Variants in C5 observed in about 807,000 individuals in gnomAD.
C5 encodes the protein C3 and PZP-like alpha-2-macroglobulin domain-containing protein 4.
Under a neutral mutation model 218.8 loss-of-function variants are expected in C5, and 140 were observed. The ratio of observed to expected loss-of-function variants is 0.64; its 90% CI spans 0.56 to 0.74. The LOEUF (loss-of-function observed/expected upper bound fraction) is 0.74. Ranked by LOEUF, C5 falls within the 30% of genes least tolerant of loss-of-function variation. The pLI is 0.00. For synonymous variants in C5, 614 were observed against 682.3 expected, an observed-to-expected ratio of 0.90 and a Z score of 1.56; for missense variants, 1,700 against 1,969.6, an observed-to-expected ratio of 0.86 and a Z score of 2.59.
Position 121,021,677 on chromosome 9 carries a change from C to T in C5, c.1134G>A (p.Ser378=), listed in dbSNP as rs148479499. 2.3e-5 allele frequency: 37 copies of T among 1,613,672 alleles called. No homozygotes were observed. The highest frequency in any genetic ancestry group is 2.0e-4 in the Admixed American group (12 of 60,026). Residue 378 remains serine (S), a synonymous_variant, in exon 11 of 41, where the codon TCG becomes TCA. Coordinates refer to ENST00000223642, the MANE Select transcript of C5 (RefSeq NM_001735.3). ...GGACTCCTCCTACCAACTGGTCAAGCGAATCTTTAACCTGCACCTGTTTGT... is the reference window on the plus strand; with the variant it reads ...GGACTCCTCCTACCAACTGGTCAAGTGAATCTTTAACCTGCACCTGTTTGT... ...PYPIKVQVKD[S]LDQLVGGVPV... is the part of the protein sequence containing the mutation.
intron 32 of C5, among the ~76,000 whole-genome samples, chr9:120,969,594 G>T (rs1221338518): frequency 6.6e-6 from 1 of 152,184 alleles, no homozygotes; most frequent in African/African-American, 2.4e-5. Flanking sequence ...ACCAGGAAGG[G>T]AGAACCAACC....
intron 14 of C5, 118 bp downstream of exon 14, chr9:121,017,244 T>G: frequency 4.2e-6 from 5 of 1,186,678 alleles, no homozygotes; most frequent in Non-Finnish European, 6.1e-6. Flanking sequence ...TTCCTAAAAA[T>G]GAGTATGTTG....
At chr9:120,980,753 G>C (rs1031458017) in intron 27 of C5, among the ~76,000 whole-genome samples, 1 of 151,848 alleles carries the variant, frequency 6.6e-6, no homozygotes, top group South Asian at 2.1e-4. Flanking sequence ...CACCACGCCC[G>C]GCTAATTTTT....
In C5 at chr9:121,030,457, G is replaced by A. The variant is rs531284110; in HGVS notation, c.698C>T (p.Pro233Leu). Residue 233 changes from proline (P) to leucine (L), a missense_variant, in exon 7 of 41, where the codon CCA becomes CTA. Transcript: ENST00000223642. ...VLPHFSVSIE[P>L]EYNFIGYKNF... The stretch of plus-strand genomic sequence containing the variant: ...CTTGTAACCAATGAAATTATATTCT[G>A]GCTCGATTGAGACAGAAAAATGTGG... 2.0e-5 allele frequency: 31 copies of A among 1,548,142 alleles called. No individual in the cohort carries two copies. Among genetic ancestry groups the A allele is most frequent in the African/African-American group, 2.7e-5 (2 of 73,012 alleles).
chr9:121,018,023 T>C (rs563347537), intron 12 of C5, among the ~76,000 whole-genome samples, 171 bp from the exon 13 acceptor site: 34 of 144,414 alleles, frequency 2.4e-4, no homozygotes, highest in Non-Finnish European at 4.3e-4. Context: ...GAGGCCGAGG[T>C]GGGCCGATCA....
At chr9:120,973,210 C>G (rs1334417090) in intron 30 of C5, among the ~76,000 whole-genome samples, 1 of 152,122 alleles carries the variant, frequency 6.6e-6, no homozygotes, top group Non-Finnish European at 1.5e-5. Flanking sequence ...AAGCAGCATC[C>G]TGGGCTGGGG....
intron 3 of C5, 87 bp from the exon 4 acceptor site, chr9:121,038,038 A>C: frequency 1.5e-6 from 1 of 645,916 alleles, no homozygotes; most frequent in Non-Finnish European, 2.7e-6. Context: ...AAAGAGATGA[A>C]TCTTACTTTA....
chr9:121,059,305 A>C, the C5 span, among the ~76,000 whole-genome samples: 1 of 152,224 alleles, frequency 6.6e-6, no homozygotes, highest in Admixed American at 6.5e-5. This position sits in a 1 kb window ranked among gnomAD's most constrained non-coding sequence, Gnocchi z 4.1. Flanking sequence ...TTAGTTAAGC[A>C]TATTTTCCTT....
chr9:121,002,341 TACAC>T (rs150670666), intron 20 of C5, among the ~76,000 whole-genome samples: 5,026 of 72,546 alleles, frequency 0.069, 509 homozygotes, highest in East Asian at 0.28. Flanking sequence ...TATATATATA[TACAC>T]ACATACCTAC....
At chr9:121,060,225 C>T in the C5 span, among the ~76,000 whole-genome samples, 1 of 152,156 alleles carries the variant, frequency 6.6e-6, no homozygotes, top group Non-Finnish European at 1.5e-5. Context: ...ACTTTGAAAG[C>T]GCCACCTGCT....
intron 20 of C5, among the ~76,000 whole-genome samples, chr9:121,002,146 A>G (rs1204909394): frequency 6.7e-6 from 1 of 148,290 alleles, no homozygotes; most frequent in East Asian, 1.9e-4. Context: ...ATATGTATGT[A>G]TATATGTATA....
chr9:121,018,032 C>A (rs2047323968), intron 12 of C5, among the ~76,000 whole-genome samples, 180 bp from the exon 13 acceptor site: 3 of 151,776 alleles, frequency 2.0e-5, no homozygotes. Flanking sequence ...GTGGGCCGAT[C>A]ACTTGAGGCC....
chr9:121,020,231 G>A (rs1432871066), intron 11 of C5, 52 bp from the exon 12 acceptor site: 1 of 1,229,306 alleles, frequency 8.1e-7, no homozygotes, highest in Non-Finnish European at 1.2e-6. Context: ...AATGCTTTCT[G>A]TAAAACATAC....
rs950299787 is a variant in C5, at chr9:120,997,487, T to C, written c.2790+60A>G. 3.2e-5 allele frequency: 39 copies of C among 1,231,818 alleles called. No homozygotes were observed. In the East Asian group the frequency reaches 8.0e-4, roughly 25 times the overall value. The allele number at this position is 1,231,818 out of a possible 1,614,324, so 76.3% of individuals were successfully genotyped here. ...TACACTATTGTTTCTCTCCCCCCCC[T>C]TTCTGTGTCTCTCTTTTGCAATAAT... is the stretch of plus-strand genomic sequence containing the variant. On this transcript the variant is annotated intron_variant, in intron 21 of 40. Transcript: ENST00000223642.
chr9:120,978,321 T>C (rs186623793), intron 28 of C5, among the ~76,000 whole-genome samples: 82 of 152,332 alleles, frequency 5.4e-4, no homozygotes, highest in Middle Eastern at 6.8e-3. Context: ...TTATAATTCA[T>C]AACTACATTA....
At chr9:120,999,831 G>A in intron 20 of C5, 1 of 424,982 alleles carries the variant, frequency 2.4e-6, no homozygotes, top group African/African-American at 2.1e-5. Flanking sequence ...TTGATATGAT[G>A]GAAATGCACT....
At position 121,016,322 on chromosome 9, in the gene C5, G is replaced by A; in HGVS notation, c.1928C>T (p.Ala643Val). 6.2e-7 allele frequency: 1 copy of A among 1,614,004 alleles called. No homozygotes were observed. Residue 643 changes from alanine to valine, a missense_variant, in exon 15 of 41, where the codon GCC becomes GTC. Coordinates refer to ENST00000223642, the MANE Select transcript of C5 (RefSeq NM_001735.3). ...AAGTCCAGCTAGGTGGAACACATTG[G>A]CATTGTTGAGGCCACCACCTGCCCC... ...GCGAGGGLNN[A>V]NVFHLAGLTF...
At position 120,952,627 on chromosome 9, in the gene C5, C is replaced by A; in HGVS notation, c.*112G>T. On this transcript the variant is annotated 3_prime_UTR_variant, in exon 41 of 41. Coordinates refer to ENST00000223642, the MANE Select transcript of C5 (RefSeq NM_001735.3). ...TGCCACTAATTCTAAGTAAAGTGAG[C>A]TTTACAAATAAGACCAGCTATGAAT... 2 of 1,074,452 alleles carry A rather than the reference C, an allele frequency of 1.9e-6. No individual in the cohort carries two copies. The highest frequency in any genetic ancestry group is 2.8e-6 in the Non-Finnish European group (2 of 724,436). 66.6% of individuals were successfully genotyped at this position (1,074,452 alleles called of 1,614,324 possible).
Position 121,001,373 on chromosome 9 carries a change from G to A in C5, c.2563-3599C>T, listed in dbSNP as rs368178701. Among the ~76,000 whole-genome samples the A allele has an allele frequency of 4.1e-4, 63 of 152,226 alleles. 1 individual carries two copies. The highest frequency in any genetic ancestry group is 1.4e-3 in the African/African-American group (60 of 41,556). On this transcript the variant is annotated intron_variant, in intron 20 of 40. Coordinates refer to ENST00000223642, the MANE Select transcript of C5 (RefSeq NM_001735.3). ...ATAGGATATCATAGAATACATGAAA[G>A]AAGAAATACAAATGGCCACAGACAA...
Sources: allele counts gnomAD v4.1 joint callset (sites outside exome capture counted in the v4.1 genomes callset), GRCh38; gene constraint gnomAD v4.1.1; non-coding constraint Gnocchi (gnomAD v3.1); transcripts MANE v1.5; gene names NCBI Gene and HGNC (gene_info 2026-07-23, HGNC 2026-07-21).